The following GFPT2 variants were observed in gnomAD, a reference collection of about 807,000 sequenced individuals.
GFPT2 encodes glutamine--fructose-6-phosphate aminotransferase [isomerizing] 2.
In GFPT2, 62 loss-of-function variants were observed where a neutral mutation model predicts 85.6. That is an observed-to-expected ratio of 0.72 (90% CI 0.59 to 0.90). The LOEUF is 0.90. Ranked by LOEUF, GFPT2 falls within the 40% of genes least tolerant of loss-of-function variation. The pLI is 0.00. For missense variants in GFPT2, 788 were observed against 893.4 expected (o/e 0.88, Z 1.50); for synonymous variants, 368 against 344.5 (o/e 1.07, Z -0.75).
chr5:180,344,927 G>A (rs560381891), intron 1 of GFPT2, among the ~76,000 whole-genome samples: 1 of 152,266 alleles, frequency 6.6e-6, no homozygotes, highest in South Asian at 2.1e-4. Context: ...AGGGCCACCC[G>A]CCTGGGTTGG....
At chr5:180,339,210 T>C (rs922211250) in intron 1 of GFPT2, among the ~76,000 whole-genome samples, 4 of 151,926 alleles carry the variant, frequency 2.6e-5, no homozygotes, top group African/African-American at 9.7e-5. Context: ...TGAAACCCCA[T>C]CTCTACTAAA....
At chr5:180,322,328 C>G (rs2127651805) in intron 9 of GFPT2, among the ~76,000 whole-genome samples, 1 of 151,914 alleles carries the variant, frequency 6.6e-6, no homozygotes, top group East Asian at 1.9e-4. Flanking sequence ...AGTAAGCCTT[C>G]CTACTGAGGA....
chr5:180,304,662 G>T, intron 17 of GFPT2, 110 bp downstream of exon 17: 1 of 1,017,228 alleles, frequency 9.8e-7, no homozygotes, highest in Non-Finnish European at 1.5e-6. Context: ...TGTGGTCACA[G>T]CCACTCACTG....
chr5:180,348,795 G>A (rs1009018150), intron 1 of GFPT2, among the ~76,000 whole-genome samples: 2 of 150,460 alleles, frequency 1.3e-5, no homozygotes, highest in Non-Finnish European at 2.9e-5. Flanking sequence ...AGGCTGGAGT[G>A]TAGTGGCACG....
chr5:180,330,425 G>A lies in GFPT2; in HGVS notation c.534+275C>T, dbSNP rs1764281408. ...ATCATAAAAAGCCACGGACTCTAATGCCAGTCACAATTTCAGAAGTGTCAC... is the reference window on the plus strand; with the variant it reads ...ATCATAAAAAGCCACGGACTCTAATACCAGTCACAATTTCAGAAGTGTCAC... On this transcript the variant is annotated intron_variant, in intron 6 of 18. Coordinates refer to ENST00000253778, the MANE Select transcript of GFPT2 (RefSeq NM_005110.4). This position sits in a 1 kb window ranked among gnomAD's most constrained non-coding sequence, Gnocchi z 4.4. Among the ~76,000 whole-genome samples the A allele has an allele frequency of 6.6e-6, 1 of 152,134 alleles. No homozygotes were observed.
intron 16 of GFPT2, among the ~76,000 whole-genome samples, chr5:180,305,958 GTCTT>G (rs1159551346): frequency 1.4e-4 from 21 of 149,746 alleles, no homozygotes; most frequent in Non-Finnish European, 2.2e-4. Context: ...AACTGGCATT[GTCTT>G]TCTTTTTTTT....
At chr5:180,332,933 T>C (rs1764331549) in intron 4 of GFPT2, among the ~76,000 whole-genome samples, 1 of 152,208 alleles carries the variant, frequency 6.6e-6, no homozygotes, top group African/African-American at 2.4e-5. Context: ...TGAAATCTTT[T>C]CCATTATTCT....
At chr5:180,311,887 T>C (rs929543013) in intron 15 of GFPT2, among the ~76,000 whole-genome samples, 1 of 151,972 alleles carries the variant, frequency 6.6e-6, no homozygotes, top group Admixed American at 6.6e-5. Context: ...AGGAAGAAGA[T>C]GGTTCAGCAG....
Position 180,353,270 on chromosome 5 carries a change from C to T in GFPT2, c.-53G>A. On this transcript the variant is annotated 5_prime_UTR_variant, in exon 1 of 19. Transcript: ENST00000253778. Reference sequence around the variant, plus strand: ...GCTCGAGGGGGTCTGCCCGTTCGGACGCTGGGGCTCCTCCGTGGGCTCCTC... The same window carrying T: ...GCTCGAGGGGGTCTGCCCGTTCGGATGCTGGGGCTCCTCCGTGGGCTCCTC... The T allele has an allele frequency of 8.1e-7, 1 of 1,236,428 alleles. No individual in the cohort carries two copies. The highest frequency in any genetic ancestry group is 3.2e-5 in the East Asian group (1 of 31,342). 76.6% of individuals were successfully genotyped at this position (1,236,428 alleles called of 1,614,324 possible).
At position 180,336,467 on chromosome 5, in the gene GFPT2, T is replaced by TCCTCCACTTACTGTA; in HGVS notation, c.211_214+11dup. 6.9e-7 allele frequency: 1 copy of TCCTCCACTTACTGTA among 1,451,144 alleles called. No individual in the cohort carries two copies. Among genetic ancestry groups the TCCTCCACTTACTGTA allele is most frequent in the South Asian group, 1.1e-5 (1 of 87,872 alleles). 89.9% of individuals were successfully genotyped at this position (1,451,144 alleles called of 1,614,324 possible). On this transcript the variant is annotated intron_variant, in intron 3 of 18. Coordinates refer to ENST00000253778, the MANE Select transcript of GFPT2 (RefSeq NM_005110.4). ...TGCAGCGGCTCCTCCCACTCAGAGGTCCTCCACTTACTGTAAAGTTCTTCA... is the reference window on the plus strand; with the variant it reads ...TGCAGCGGCTCCTCCCACTCAGAGGTCCTCCACTTACTGTACCTCCACTTACTGTAAAGTTCTTCA...
Position 180,301,467 on chromosome 5 carries a change from G to A in GFPT2, c.*97C>T, listed in dbSNP as rs1763670629. 9.5e-7 allele frequency: 1 copy of A among 1,049,038 alleles called. No homozygotes were observed. The highest frequency in any genetic ancestry group is 1.3e-5 in the South Asian group (1 of 78,224). The allele number at this position is 1,049,038 out of a possible 1,614,324, so 65.0% of individuals were successfully genotyped here. Reference sequence around the variant, plus strand: ...AGCTCTACAGGAGCACGCAGAACATGTGGGATGTCCACTTCTCTTCCCATG... The same window carrying A: ...AGCTCTACAGGAGCACGCAGAACATATGGGATGTCCACTTCTCTTCCCATG... On this transcript the variant is annotated 3_prime_UTR_variant, in exon 19 of 19. Coordinates refer to ENST00000253778, the MANE Select transcript of GFPT2 (RefSeq NM_005110.4).
At position 180,316,992 on chromosome 5, in the gene GFPT2, C is replaced by T; in HGVS notation, c.1025G>A (p.Arg342Lys). ...GTTGGTTTCAAAATTCACCCGACCTCTCATAGTATTGAAAACTGATTCTGG... is the reference window on the plus strand; with the variant it reads ...GTTGGTTTCAAAATTCACCCGACCTTTCATAGTATTGAAAACTGATTCTGG... ...EQPESVFNTM[R>K]GRVNFETNTV... is the part of the protein sequence containing the mutation. The change falls in exon 11 of 19, where the codon AGA becomes AAA. Residue 342 changes from arginine (R) to lysine (K), a missense_variant. By Grantham distance (26) the Arg-to-Lys change is conservative. Transcript: ENST00000253778. 6.2e-7 allele frequency: 1 copy of T among 1,610,866 alleles called. No individual in the cohort carries two copies. Among genetic ancestry groups the T allele is most frequent in the Non-Finnish European group, 8.5e-7 (1 of 1,176,976 alleles).
At position 180,347,621 on chromosome 5, in the gene GFPT2, AG is replaced by A. The variant is rs1322806102; in HGVS notation, c.7+5589del. 5.3e-4 allele frequency among the ~76,000 whole-genome samples: 81 copies of A among 152,126 alleles called. 3 individuals are homozygous for A. The highest frequency in any genetic ancestry group is 3.2e-3 in the Middle Eastern group (1 of 316). On this transcript the variant is annotated intron_variant, in intron 1 of 18. Coordinates refer to ENST00000253778, the MANE Select transcript of GFPT2 (RefSeq NM_005110.4). ...CTGCACAAGGCCCGAGAGATCACAC[AG>A]GAAGTCAGGAGCAAAGACATCATGA...
intron 1 of GFPT2, 53 bp downstream of exon 1, chr5:180,353,158 C>T: frequency 8.2e-7 from 1 of 1,226,660 alleles, no homozygotes; most frequent in Non-Finnish European, 1.0e-6. Flanking sequence ...GGCTGCGGCG[C>T]CGGGACCCGC....
At chr5:180,321,847 G>C (rs999681322) in intron 9 of GFPT2, among the ~76,000 whole-genome samples, 2 of 152,208 alleles carry the variant, frequency 1.3e-5, no homozygotes, top group South Asian at 4.1e-4. Flanking sequence ...GCAGTGGCGC[G>C]ATCTCGGCTC....
chr5:180,312,244 G>C (rs1024612473), intron 15 of GFPT2, among the ~76,000 whole-genome samples, 186 bp downstream of exon 15: 1 of 151,080 alleles, frequency 6.6e-6, no homozygotes, highest in Non-Finnish European at 1.5e-5. Flanking sequence ...GCAGCGCAGG[G>C]GGAGGTGGGG....
At chr5:180,305,187 C>T (rs1448556475) in intron 16 of GFPT2, among the ~76,000 whole-genome samples, 1 of 152,152 alleles carries the variant, frequency 6.6e-6, no homozygotes, top group Non-Finnish European at 1.5e-5. Flanking sequence ...CCACACCAGC[C>T]CCGGGCACTG....
chr5:180,332,017 ATATT>A (rs1764311567), intron 4 of GFPT2, among the ~76,000 whole-genome samples: 1 of 152,212 alleles, frequency 6.6e-6, no homozygotes, highest in Non-Finnish European at 1.5e-5. Flanking sequence ...TGTTGTAAAA[ATATT>A]TGAGTTTTTA....
intron 1 of GFPT2, among the ~76,000 whole-genome samples, chr5:180,341,444 AT>A (rs1764513442): frequency 6.6e-6 from 1 of 152,254 alleles, no homozygotes; most frequent in African/African-American, 2.4e-5. Flanking sequence ...TGAATGTTAT[AT>A]TCCTAAACAG....
Sources: gnomAD v4.1 joint callset for allele counts (sites outside exome capture counted in the v4.1 genomes callset) on GRCh38, gnomAD v4.1.1 for gene constraint, Gnocchi (gnomAD v3.1) non-coding constraint, MANE v1.5 for transcripts, NCBI Gene and HGNC (gene_info 2026-07-23, HGNC 2026-07-21) for gene names.